The following WDR72 variants were observed in gnomAD, a reference collection of about 807,000 sequenced individuals.
WDR72 encodes WD repeat domain 72.
A neutral mutation model predicts 124.2 loss-of-function variants in WDR72; 120 were observed. The observed-to-expected ratio is 0.97, with a 90% CI of 0.83 to 1.12. The LOEUF is 1.12. Among genes scored for constraint, WDR72 ranks in the 50% most tolerant of loss-of-function variants. The probability of loss-of-function intolerance (pLI) is 0.00; values close to 1 mark genes in which losing one functional copy is unlikely to be tolerated. For synonymous variants in WDR72, 452 were observed against 441.7 expected (o/e 1.02, Z -0.29); for missense variants, 1,387 against 1,278.8 (o/e 1.08, Z -1.29).
At chr15:53,744,515 T>G (rs1341697662) in intron 1 of WDR72, among the ~76,000 whole-genome samples, 1 of 152,152 alleles carries the variant, frequency 6.6e-6, no homozygotes, top group African/African-American at 2.4e-5. Context: ...ATAATATATT[T>G]TGAAATAGAA....
At chr15:53,589,003 A>G (rs1297200822) in intron 18 of WDR72, among the ~76,000 whole-genome samples, 1 of 151,878 alleles carries the variant, frequency 6.6e-6, no homozygotes, top group African/African-American at 2.4e-5. Flanking sequence ...ATACTGAGGA[A>G]ACAATGTTTG....
At chr15:53,521,594 C>T (rs1254648784) in intron 19 of WDR72, among the ~76,000 whole-genome samples, 1 of 152,014 alleles carries the variant, frequency 6.6e-6, no homozygotes, top group Non-Finnish European at 1.5e-5. Context: ...TCTTGATAAA[C>T]ACGTTTGTGT....
chr15:53,725,501 T>C (rs906003262), intron 2 of WDR72, among the ~76,000 whole-genome samples: 1 of 152,338 alleles, frequency 6.6e-6, no homozygotes, highest in South Asian at 2.1e-4. Flanking sequence ...CAAAAATCTG[T>C]ACACAAATGT....
Position 53,649,843 on chromosome 15 carries a change from G to A in WDR72, c.1962+15729C>T, listed in dbSNP as rs976585463. 3.9e-5 allele frequency among the ~76,000 whole-genome samples: 6 copies of A among 152,158 alleles called. No individual in the cohort carries two copies. In the East Asian group the frequency reaches 1.2e-3, roughly 29 times the overall value. Reference sequence around the variant, plus strand: ...GAAATTGGAATCCTAGCACACTGTGGGTAGAAATGCAATGGTGTAGCTGCT... The same window carrying A: ...GAAATTGGAATCCTAGCACACTGTGAGTAGAAATGCAATGGTGTAGCTGCT... On this transcript the variant is annotated intron_variant, in intron 14 of 19. Transcript: ENST00000360509.
intron 2 of WDR72, among the ~76,000 whole-genome samples, chr15:53,729,569 T>C (rs1009148847): frequency 4.6e-5 from 7 of 152,036 alleles, no homozygotes; most frequent in Non-Finnish European, 1.0e-4. Context: ...CAGATGAGCC[T>C]GTCACCTCTA....
intron 17 of WDR72, among the ~76,000 whole-genome samples, chr15:53,601,590 C>T (rs1268176540): frequency 2.0e-5 from 3 of 148,706 alleles, no homozygotes; most frequent in East Asian, 1.9e-4. Context: ...CCAAAACTAT[C>T]GGTATGTCGT....
At chr15:53,609,943 A>AT (rs1157103567) in intron 16 of WDR72, among the ~76,000 whole-genome samples, 2 of 152,006 alleles carry the variant, frequency 1.3e-5, no homozygotes, top group Non-Finnish European at 2.9e-5. Context: ...GCTTCAACAC[A>AT]TTTTTGTTCT....
chr15:53,706,471 T>G (rs2017383551), intron 9 of WDR72, among the ~76,000 whole-genome samples: 1 of 149,518 alleles, frequency 6.7e-6, no homozygotes. Flanking sequence ...CCTATAAAAT[T>G]GGTACTATCA....
intron 9 of WDR72, among the ~76,000 whole-genome samples, chr15:53,706,384 A>G (rs1183549521): frequency 3.0e-5 from 4 of 135,476 alleles, no homozygotes; most frequent in South Asian, 2.5e-4. Context: ...ATATATATAT[A>G]TATATATATA....
chr15:53,761,907 A>G (rs991973712), upstream of WDR72, among the ~76,000 whole-genome samples: 2 of 152,182 alleles, frequency 1.3e-5, no homozygotes, highest in African/African-American at 4.8e-5. Flanking sequence ...AAGTATCAAG[A>G]GTGGGTGAAA....
At chr15:53,621,536 A>G (rs533448994) in intron 14 of WDR72, among the ~76,000 whole-genome samples, 2 of 151,012 alleles carry the variant, frequency 1.3e-5, no homozygotes, top group South Asian at 4.2e-4. Flanking sequence ...GAAGTATCTC[A>G]GGAATGGAAA....
intron 13 of WDR72, among the ~76,000 whole-genome samples, chr15:53,672,909 C>A: frequency 6.6e-6 from 1 of 152,094 alleles, no homozygotes. Context: ...GCGGGCTAAT[C>A]CCTTGGGCTC....
intron 2 of WDR72, among the ~76,000 whole-genome samples, chr15:53,727,365 C>T (rs921272458): frequency 1.3e-5 from 2 of 152,046 alleles, no homozygotes; most frequent in South Asian, 2.1e-4. Flanking sequence ...GATGGTAACT[C>T]AGCCATATTA....
intron 14 of WDR72, among the ~76,000 whole-genome samples, chr15:53,645,343 T>C (rs746233574): frequency 5.1e-4 from 78 of 152,136 alleles, no homozygotes; most frequent in Admixed American, 2.2e-3. Context: ...CTGTAAAATA[T>C]TATTAGTGTG....
At chr15:53,526,699 A>C (rs1177691735) in intron 18 of WDR72, among the ~76,000 whole-genome samples, 1 of 152,024 alleles carries the variant, frequency 6.6e-6, no homozygotes, top group Non-Finnish European at 1.5e-5. Context: ...TCATCACTAA[A>C]GTTCTTGGAT....
chr15:53,688,213 G>A (rs1271922897), intron 13 of WDR72, among the ~76,000 whole-genome samples: 1 of 150,400 alleles, frequency 6.6e-6, no homozygotes, highest in Non-Finnish European at 1.5e-5. Context: ...TTCTGGCCAG[G>A]GCAATTAGGC....
At chr15:53,683,776 A>C (rs1488170434) in intron 13 of WDR72, among the ~76,000 whole-genome samples, 1 of 152,106 alleles carries the variant, frequency 6.6e-6, no homozygotes, top group Non-Finnish European at 1.5e-5. Flanking sequence ...TCTCATATAT[A>C]TATATGGTCT....
chr15:53,681,614 T>TA (rs1048586792), intron 13 of WDR72, among the ~76,000 whole-genome samples: 1 of 152,114 alleles, frequency 6.6e-6, no homozygotes, highest in Admixed American at 6.5e-5. Context: ...AAGGAAACAA[T>TA]AAAGGCAGCA....
chr15:53,521,613 C>G (rs139621150), intron 19 of WDR72, among the ~76,000 whole-genome samples: 2 of 152,084 alleles, frequency 1.3e-5, no homozygotes, highest in East Asian at 3.9e-4. Flanking sequence ...GTGTATCAAT[C>G]AGATAGAGAA....
Sources: gnomAD v4.1 joint callset for allele counts (sites outside exome capture counted in the v4.1 genomes callset) on GRCh38, gnomAD v4.1.1 for gene constraint, MANE v1.5 for transcripts, NCBI Gene and HGNC (gene_info 2026-07-23, HGNC 2026-07-21) for gene names.